Variants in PRKCI observed in about 807,000 individuals in gnomAD.
PRKCI encodes the protein protein kinase C iota type.
PRKCI carries 43 observed loss-of-function variants against 84.0 expected under a neutral mutation model. The observed-to-expected ratio is 0.51, with a 90% CI of 0.40 to 0.66. The LOEUF (loss-of-function observed/expected upper bound fraction) is 0.66, where lower values mean the gene tolerates loss of function less well. Among genes scored for constraint, PRKCI ranks in the 30% least tolerant of loss-of-function variants. PRKCI has a pLI of 0.00. For missense variants in PRKCI, 459 were observed against 745.6 expected, an observed-to-expected ratio of 0.62 and a Z score of 4.48; for synonymous variants, 216 against 234.4, an observed-to-expected ratio of 0.92 and a Z score of 0.72.
At chr3:170,252,436 C>G (rs370655280) in intron 2 of PRKCI, among the ~76,000 whole-genome samples, 1 of 151,952 alleles carries the variant, frequency 6.6e-6, no homozygotes, top group Non-Finnish European at 1.5e-5. Context: ...AATCATGTTG[C>G]GTAAATGGGA....
chr3:170,280,459 T>C, intron 9 of PRKCI, 56 bp downstream of exon 9: 1 of 1,485,864 alleles, frequency 6.7e-7, no homozygotes, highest in Non-Finnish European at 9.1e-7. Context: ...ATTCTTTTTT[T>C]TTTTTGAAAC....
intron 12 of PRKCI, among the ~76,000 whole-genome samples, chr3:170,287,081 T>A (rs1734412844): frequency 6.6e-6 from 1 of 152,082 alleles, no homozygotes; most frequent in South Asian, 2.1e-4. Flanking sequence ...AGACCTGTAA[T>A]CCCAGCAATT....
At chr3:170,231,508 A>C (rs534726441) in intron 1 of PRKCI, among the ~76,000 whole-genome samples, 1 of 152,052 alleles carries the variant, frequency 6.6e-6, no homozygotes, top group East Asian at 1.9e-4. Flanking sequence ...TCTGTCGCCC[A>C]GGCTGGAGTG....
intron 7 of PRKCI, among the ~76,000 whole-genome samples, chr3:170,274,718 C>T (rs956152806): frequency 6.8e-6 from 1 of 147,396 alleles, no homozygotes; most frequent in African/African-American, 2.5e-5. Flanking sequence ...AATGCAGGCT[C>T]TTTTTTTTTT....
At chr3:170,292,509 A>G (rs572861308) in intron 13 of PRKCI, among the ~76,000 whole-genome samples, 116 of 152,320 alleles carry the variant, frequency 7.6e-4, no homozygotes, top group African/African-American at 2.6e-3. Context: ...CCTTCAGCAG[A>G]TATAAAGGAC....
At chr3:170,283,270 G>A (rs1017095761) in intron 11 of PRKCI, among the ~76,000 whole-genome samples, 1 of 152,216 alleles carries the variant, frequency 6.6e-6, no homozygotes, top group South Asian at 2.1e-4. Flanking sequence ...TTTCTTATCC[G>A]TAATCAGCAG....
At chr3:170,284,715 G>A in intron 12 of PRKCI, 119 bp downstream of exon 12, 1 of 1,214,308 alleles carries the variant, frequency 8.2e-7, no homozygotes, top group South Asian at 1.5e-5. Flanking sequence ...CTTAAGCTTT[G>A]TGGAATTCTA....
At chr3:170,290,111 C>G (rs1257609466) in intron 12 of PRKCI, among the ~76,000 whole-genome samples, 1 of 151,952 alleles carries the variant, frequency 6.6e-6, no homozygotes, top group East Asian at 1.9e-4. Flanking sequence ...TTGTGCTGCC[C>G]CTCTTTTTTG....
chr3:170,261,564 A>G (rs367872070), intron 3 of PRKCI, among the ~76,000 whole-genome samples: 1 of 151,924 alleles, frequency 6.6e-6, no homozygotes, highest in Non-Finnish European at 1.5e-5. Flanking sequence ...ACTCACTGCA[A>G]CCTTGGCCTC....
At chr3:170,242,063 C>T (rs1003604086) in intron 2 of PRKCI, among the ~76,000 whole-genome samples, 8 of 152,174 alleles carry the variant, frequency 5.3e-5, no homozygotes, top group African/African-American at 1.2e-4. Flanking sequence ...GAGCCGAGAT[C>T]GTGCCATTGC....
chr3:170,248,381 A>G (rs35768364), intron 2 of PRKCI, among the ~76,000 whole-genome samples: 119 of 62,822 alleles, frequency 1.9e-3, no homozygotes, highest in East Asian at 4.6e-3. Flanking sequence ...TGGGGGGGGG[A>G]AAAAACCTGC....
At chr3:170,261,121 T>A (rs1342762255) in intron 3 of PRKCI, among the ~76,000 whole-genome samples, 1 of 149,830 alleles carries the variant, frequency 6.7e-6, no homozygotes, top group Non-Finnish European at 1.5e-5. Flanking sequence ...CCACTATGAC[T>A]GGCTAATTTT....
In PRKCI at chr3:170,279,081, G is replaced by A. The variant is rs549145388; in HGVS notation, c.706-1146G>A. Among the ~76,000 whole-genome samples, 26 of 152,176 alleles carry A rather than the reference G, an allele frequency of 1.7e-4. No homozygotes were observed. The East Asian group carries it at 3.3e-3, about 19-fold the overall frequency. On this transcript the variant is annotated intron_variant, in intron 8 of 17. Transcript: ENST00000295797. ...CTCACTTTGTGATGCAGGCTGGAGCGCACTGGCACAATCACAGCTCACTGC... is the reference window on the plus strand; with the variant it reads ...CTCACTTTGTGATGCAGGCTGGAGCACACTGGCACAATCACAGCTCACTGC...
chr3:170,287,427 TTATG>T (rs1734423010), intron 12 of PRKCI, among the ~76,000 whole-genome samples: 1 of 151,890 alleles, frequency 6.6e-6, no homozygotes, highest in Non-Finnish European at 1.5e-5. Context: ...TCTGATTCTT[TTATG>T]TATCATTCTG....
At chr3:170,236,107 A>ATT (rs11407334) in intron 2 of PRKCI, among the ~76,000 whole-genome samples, 116 of 145,850 alleles carry the variant, frequency 8.0e-4, no homozygotes, top group Middle Eastern at 3.5e-3. Context: ...TTTAATTTAA[A>ATT]TTTTTTTTTT....
intron 1 of PRKCI, among the ~76,000 whole-genome samples, chr3:170,223,195 C>T (rs1307560986): frequency 6.6e-6 from 1 of 152,178 alleles, no homozygotes; most frequent in East Asian, 1.9e-4. Flanking sequence ...CTTCAGTTAG[C>T]TGTCCGTTTT....
At chr3:170,254,617 A>G (rs968806987) in intron 2 of PRKCI, among the ~76,000 whole-genome samples, 2 of 152,144 alleles carry the variant, frequency 1.3e-5, no homozygotes, top group Non-Finnish European at 2.9e-5. Context: ...CACCTTTGTA[A>G]AAAATGAGTT....
At chr3:170,234,346 T>C (rs1732888405) in intron 1 of PRKCI, among the ~76,000 whole-genome samples, 1 of 152,178 alleles carries the variant, frequency 6.6e-6, no homozygotes, top group African/African-American at 2.4e-5. Flanking sequence ...CTTATACTTT[T>C]TAAGTATTAC....
At chr3:170,272,517 G>A (rs529989740) in intron 6 of PRKCI, among the ~76,000 whole-genome samples, 1 of 152,246 alleles carries the variant, frequency 6.6e-6, no homozygotes, top group Admixed American at 6.5e-5. Context: ...ACATATTTAT[G>A]TAGGTTACTA....
Sources: gnomAD v4.1 joint callset for allele counts (sites outside exome capture counted in the v4.1 genomes callset) on GRCh38, gnomAD v4.1.1 for gene constraint, MANE v1.5 for transcripts, NCBI Gene and HGNC (gene_info 2026-07-23, HGNC 2026-07-21) for gene names.